The following LUZP2 variants were observed in gnomAD, a reference collection of about 807,000 sequenced individuals.
The protein encoded by LUZP2 is leucine zipper protein 2.
LUZP2 carries 52 observed loss-of-function variants against 51.6 expected under a neutral mutation model. The ratio of observed to expected loss-of-function variants is 1.01; its 90% CI spans 0.81 to 1.27. The LOEUF (loss-of-function observed/expected upper bound fraction) is 1.27, where lower values mean the gene tolerates loss of function less well. LUZP2 is among the 50% of genes most tolerant of loss of function. LUZP2 has a pLI of 0.00. For missense variants in LUZP2, 436 were observed against 395.4 expected, an observed-to-expected ratio of 1.10 and a Z score of -0.87; for synonymous variants, 154 against 137.3, an observed-to-expected ratio of 1.12 and a Z score of -0.85.
intron 5 of LUZP2, among the ~76,000 whole-genome samples, chr11:24,896,735 C>G (rs939168493): frequency 6.6e-6 from 1 of 152,202 alleles, no homozygotes; most frequent in Non-Finnish European, 1.5e-5. Context: ...GGCACGGGAT[C>G]CACTAGGGGA....
intron 1 of LUZP2, among the ~76,000 whole-genome samples, chr11:24,575,708 C>T (rs775889440): frequency 8.5e-5 from 13 of 152,206 alleles, no homozygotes; most frequent in Non-Finnish European, 1.3e-4. Flanking sequence ...AAAAACATCA[C>T]GTAGTTTTTT....
intron 9 of LUZP2, among the ~76,000 whole-genome samples, chr11:25,026,192 C>T (rs893992950): frequency 1.3e-5 from 2 of 151,602 alleles, no homozygotes; most frequent in Non-Finnish European, 2.9e-5. Flanking sequence ...ACCTAATGTA[C>T]ATAATGAGTT....
At chr11:24,746,831 G>C (rs1468876746) in intron 4 of LUZP2, among the ~76,000 whole-genome samples, 1 of 151,948 alleles carries the variant, frequency 6.6e-6, no homozygotes, top group Non-Finnish European at 1.5e-5. Flanking sequence ...TTCTTCTACG[G>C]GTTCAATTCT....
intron 7 of LUZP2, among the ~76,000 whole-genome samples, chr11:24,916,374 T>A (rs1853789562): frequency 6.6e-6 from 1 of 152,094 alleles, no homozygotes; most frequent in African/African-American, 2.4e-5. Context: ...CTAGGGTACA[T>A]GTTCACAATG....
intron 7 of LUZP2, among the ~76,000 whole-genome samples, chr11:24,924,179 G>C: frequency 6.6e-6 from 1 of 151,762 alleles, no homozygotes; most frequent in East Asian, 2.0e-4. Flanking sequence ...CCGCGTTCAA[G>C]TGACTCTCCT....
At position 24,759,937 on chromosome 11, in the gene LUZP2, G is replaced by C. The variant is rs1590467172; in HGVS notation, c.334-3309G>C. On this transcript the variant is annotated intron_variant, in intron 4 of 11. Coordinates refer to ENST00000336930, the MANE Select transcript of LUZP2 (RefSeq NM_001009909.4). ...TGAGAACAAGTGCCCCTGGTGGTCG[G>C]GCTACAGCTTGGTTTTATATGTTTT... Among the ~76,000 whole-genome samples, 9 of 152,152 alleles carry C rather than the reference G, an allele frequency of 5.9e-5. 1 individual carries two copies. In the South Asian group the frequency reaches 1.9e-3, roughly 32 times the overall value.
chr11:24,577,955 G>A (rs1435850713), intron 1 of LUZP2, among the ~76,000 whole-genome samples: 2 of 152,056 alleles, frequency 1.3e-5, no homozygotes, highest in African/African-American at 4.8e-5. Flanking sequence ...TCAGGCCCAC[G>A]ATGATGGCTT....
intron 1 of LUZP2, among the ~76,000 whole-genome samples, chr11:24,544,683 C>T (rs1043789235): frequency 6.6e-6 from 1 of 152,014 alleles, no homozygotes; most frequent in African/African-American, 2.4e-5. Flanking sequence ...TTGTCTACCT[C>T]TGATAAGCAT....
intron 5 of LUZP2, among the ~76,000 whole-genome samples, chr11:24,827,801 T>C (rs978818384): frequency 1.3e-5 from 2 of 152,146 alleles, no homozygotes; most frequent in Non-Finnish European, 2.9e-5. Context: ...TTGAGAACAC[T>C]GGCCTGTGAA....
chr11:24,835,555 G>A (rs949232331), intron 5 of LUZP2, among the ~76,000 whole-genome samples: 12 of 151,946 alleles, frequency 7.9e-5, no homozygotes, highest in Non-Finnish European at 1.2e-4. Context: ...TTAAGCTACA[G>A]TATACTTTCA....
intron 9 of LUZP2, among the ~76,000 whole-genome samples, chr11:24,990,947 T>C (rs1856315292): frequency 6.6e-6 from 1 of 151,926 alleles, no homozygotes; most frequent in Admixed American, 6.6e-5. Context: ...TTTAAGCATT[T>C]ATTTTTATTT....
At position 24,882,375 on chromosome 11, in the gene LUZP2, C is replaced by T. The variant is rs1418670734; in HGVS notation, c.397-23616C>T. Among the ~76,000 whole-genome samples, 3 of 143,996 alleles carry T rather than the reference C, an allele frequency of 2.1e-5. No individual in the cohort carries two copies. In the East Asian group the frequency reaches 5.9e-4, roughly 28 times the overall value. The allele number at this position is 143,996 out of a possible 152,430, so 94.5% of individuals were successfully genotyped here. Reference sequence around the variant, plus strand: ...TATGCTCCTTTCTCTCACACACTCACATCTTCTTCACTCAACATCCCACAC... The same window carrying T: ...TATGCTCCTTTCTCTCACACACTCATATCTTCTTCACTCAACATCCCACAC... On this transcript the variant is annotated intron_variant, in intron 5 of 11. Transcript: ENST00000336930.
At chr11:24,825,071 G>A (rs888604549) in intron 5 of LUZP2, among the ~76,000 whole-genome samples, 3 of 151,894 alleles carry the variant, frequency 2.0e-5, no homozygotes, top group African/African-American at 7.3e-5. Context: ...TACACTATGT[G>A]TAAACACACC....
chr11:24,602,172 A>ATATG lies in LUZP2; in HGVS notation c.62+104870_62+104871insGTAT, dbSNP rs1554961918. Among the ~76,000 whole-genome samples, 454 of 131,772 alleles carry ATATG rather than the reference A, an allele frequency of 3.4e-3. 11 individuals are homozygous for ATATG. The highest frequency in any genetic ancestry group is 6.0e-3 in the Non-Finnish European group (375 of 62,788). 86.4% of individuals were successfully genotyped at this position (131,772 alleles called of 152,430 possible). A position where few individuals can be genotyped will look rare whatever the true frequency, so the allele number is the denominator to read the frequency against. ...TATGTATATATGTATATATGTGTAT[A>ATATG]TATATGTGTATATATGTATATATGT... On this transcript the variant is annotated intron_variant, in intron 1 of 11. Coordinates refer to ENST00000336930, the MANE Select transcript of LUZP2 (RefSeq NM_001009909.4).
intron 9 of LUZP2, among the ~76,000 whole-genome samples, chr11:25,032,104 AG>A (rs1857707567): frequency 6.6e-6 from 1 of 152,256 alleles, no homozygotes; most frequent in South Asian, 2.1e-4. Context: ...CATAAGCCAA[AG>A]GATGTGACTA....
intron 1 of LUZP2, among the ~76,000 whole-genome samples, chr11:24,604,358 G>C (rs980783053): frequency 2.6e-5 from 4 of 151,748 alleles, no homozygotes; most frequent in Admixed American, 2.0e-4. Flanking sequence ...TGTGATATGT[G>C]CTAATAATAC....
chr11:25,008,315 A>G (rs1856891092), intron 9 of LUZP2, among the ~76,000 whole-genome samples: 1 of 152,220 alleles, frequency 6.6e-6, no homozygotes, highest in African/African-American at 2.4e-5. Flanking sequence ...AATCTGAGAG[A>G]TGGCAGCAAC....
intron 1 of LUZP2, among the ~76,000 whole-genome samples, chr11:24,595,280 A>C (rs1314569373): frequency 6.6e-6 from 1 of 152,032 alleles, no homozygotes; most frequent in Non-Finnish European, 1.5e-5. Flanking sequence ...GAGTATCAAC[A>C]TTAAGTATAT....
intron 5 of LUZP2, among the ~76,000 whole-genome samples, chr11:24,858,172 T>C (rs537713847): frequency 2.3e-4 from 35 of 152,268 alleles, no homozygotes; most frequent in African/African-American, 8.4e-4. Flanking sequence ...GAGGACTCAT[T>C]CTTCAGGGGT....
Sources: allele counts gnomAD v4.1 joint callset (sites outside exome capture counted in the v4.1 genomes callset), GRCh38; gene constraint gnomAD v4.1.1; transcripts MANE v1.5; gene names NCBI Gene and HGNC (gene_info 2026-07-23, HGNC 2026-07-21).